SLIT2: variants seen among roughly 807,000 people sequenced by gnomAD.
SLIT2 encodes slit homolog 2 protein.
Under a neutral mutation model 185.7 loss-of-function variants are expected in SLIT2, and 41 were observed. The observed-to-expected ratio is 0.22, with a 90% CI of 0.17 to 0.29. The LOEUF (loss-of-function observed/expected upper bound fraction) is 0.29. Ranked by LOEUF, SLIT2 falls within the 10% of genes least tolerant of loss-of-function variation. The pLI, the probability that SLIT2 is intolerant of heterozygous loss-of-function variation, is 1.00. For missense variants in SLIT2, 1,571 were observed against 1,909.0 expected (o/e 0.82, Z 3.30); for synonymous variants, 693 against 680.2 (o/e 1.02, Z -0.29).
chr4:20,416,026 T>C (rs1390804462), intron 4 of SLIT2, among the ~76,000 whole-genome samples: 1 of 152,222 alleles, frequency 6.6e-6, no homozygotes, highest in Non-Finnish European at 1.5e-5. Flanking sequence ...CTGGCCATTG[T>C]TGAGGCATTT....
intron 26 of SLIT2, among the ~76,000 whole-genome samples, chr4:20,556,917 C>T (rs1724308852): frequency 2.0e-5 from 3 of 152,018 alleles, no homozygotes; most frequent in African/African-American, 7.3e-5. Context: ...AGCCTTATTG[C>T]TGATATGGAG....
In SLIT2 at chr4:20,528,065, T is replaced by C. The variant is rs1721453632; in HGVS notation, c.1463-884T>C. On this transcript the variant is annotated intron_variant, in intron 15 of 36. Coordinates refer to ENST00000504154, the MANE Select transcript of SLIT2 (RefSeq NM_004787.4). The surrounding 1 kb of genome is among the most constrained non-coding windows in gnomAD (Gnocchi z 4.2). ...AGCTGTTGTTTCCATTCTGCAGTTC[T>C]GAGGAATGGTGGAGGCACCTTTTCC... 1.3e-5 allele frequency among the ~76,000 whole-genome samples: 2 copies of C among 152,210 alleles called. No individual in the cohort carries two copies. Among genetic ancestry groups the C allele is most frequent in the Non-Finnish European group, 2.9e-5 (2 of 68,042 alleles).
intron 36 of SLIT2, 55 bp from the exon 37 acceptor site, chr4:20,618,713 T>G: frequency 1.3e-6 from 2 of 1,513,490 alleles, no homozygotes; most frequent in Non-Finnish European, 1.8e-6. Context: ...ACAGTCACTC[T>G]GCATGACTTA....
intron 4 of SLIT2, among the ~76,000 whole-genome samples, chr4:20,291,104 G>T (rs77337729): frequency 1.3e-5 from 2 of 151,758 alleles, no homozygotes; most frequent in African/African-American, 2.4e-5. Flanking sequence ...AATTTAGTTC[G>T]ATATGTTTGC....
chr4:20,518,130 T>C (rs963949432), intron 11 of SLIT2, among the ~76,000 whole-genome samples: 15 of 142,566 alleles, frequency 1.1e-4, no homozygotes, highest in African/African-American at 3.8e-4. Context: ...TATATATACA[T>C]ATACATATAT....
intron 4 of SLIT2, among the ~76,000 whole-genome samples, chr4:20,459,870 T>TC (rs1713503777): frequency 6.6e-6 from 1 of 151,334 alleles, no homozygotes. Context: ...GGAATTTTTT[T>TC]TTTTTTTTTT....
intron 21 of SLIT2, among the ~76,000 whole-genome samples, chr4:20,542,990 A>T (rs1351328535): frequency 6.6e-6 from 1 of 152,084 alleles, no homozygotes; most frequent in South Asian, 2.1e-4. Flanking sequence ...GGAGCATCTT[A>T]CAAGACTAAT....
chr4:20,418,091 G>A (rs1047812057), intron 4 of SLIT2, among the ~76,000 whole-genome samples: 3 of 152,192 alleles, frequency 2.0e-5, no homozygotes, highest in African/African-American at 7.2e-5. Flanking sequence ...TTGGTATGTA[G>A]TGGGGTCTGA....
At chr4:20,572,995 G>A (rs1725738736) in intron 29 of SLIT2, among the ~76,000 whole-genome samples, 1 of 152,164 alleles carries the variant, frequency 6.6e-6, no homozygotes, top group Non-Finnish European at 1.5e-5. Context: ...ACTGCTGGTT[G>A]TTCCATCACC....
chr4:20,545,658 G>A (rs892991055), intron 21 of SLIT2, among the ~76,000 whole-genome samples: 2 of 152,032 alleles, frequency 1.3e-5, no homozygotes, highest in African/African-American at 2.4e-5. Flanking sequence ...GCAGCAATGA[G>A]TGGTCTTGGC....
intron 4 of SLIT2, among the ~76,000 whole-genome samples, chr4:20,418,495 G>A (rs1043662946): frequency 1.3e-5 from 2 of 152,138 alleles, no homozygotes; most frequent in Non-Finnish European, 2.9e-5. Flanking sequence ...ACTGAGGGCG[G>A]CCAATAGATC....
At chr4:20,617,708 C>G in intron 36 of SLIT2, 58 bp downstream of exon 36, 1 of 671,650 alleles carries the variant, frequency 1.5e-6, no homozygotes, top group Non-Finnish European at 2.4e-6. Flanking sequence ...GGTCCCATGT[C>G]TTTGAAAAGA....
intron 4 of SLIT2, among the ~76,000 whole-genome samples, chr4:20,432,643 C>CT (rs1729079941): frequency 6.6e-6 from 1 of 151,786 alleles, no homozygotes; most frequent in African/African-American, 2.4e-5. Flanking sequence ...TGCATAAATG[C>CT]TGCCTTCAAA....
At chr4:20,564,692 C>G (rs1318445908) in intron 26 of SLIT2, among the ~76,000 whole-genome samples, 1 of 151,780 alleles carries the variant, frequency 6.6e-6, no homozygotes, top group African/African-American at 2.4e-5. Context: ...CAGTATTTTG[C>G]TATATTCCCA....
Position 20,596,439 on chromosome 4 carries a change from A to G in SLIT2, c.3345A>G (p.Pro1115=). The change falls in exon 32 of 37, where the codon CCA becomes CCG. Residue 1115 remains proline, a synonymous_variant. Coordinates refer to ENST00000504154, the MANE Select transcript of SLIT2 (RefSeq NM_004787.4). ...GTGGCTTGTTCTGTGAGTTTTCTCCACCCATGGTCCTCCCTCGTACCAGCC... is the reference window on the plus strand; with the variant it reads ...GTGGCTTGTTCTGTGAGTTTTCTCCGCCCATGGTCCTCCCTCGTACCAGCC... ...GYSGLFCEFS[P]PMVLPRTSPC... 1 of 1,613,828 alleles carries G rather than the reference A, an allele frequency of 6.2e-7. No homozygotes were observed. Among genetic ancestry groups the G allele is most frequent in the South Asian group, 1.1e-5 (1 of 91,042 alleles).
At chr4:20,449,184 A>C (rs1301535016) in intron 4 of SLIT2, among the ~76,000 whole-genome samples, 1 of 152,184 alleles carries the variant, frequency 6.6e-6, no homozygotes, top group African/African-American at 2.4e-5. Context: ...AAAGAGTAAT[A>C]GTTATATGCT....
chr4:20,446,344 C>G (rs934490281), intron 4 of SLIT2, among the ~76,000 whole-genome samples: 4 of 152,182 alleles, frequency 2.6e-5, no homozygotes, highest in Admixed American at 6.5e-5. Context: ...TGGTTCCCAT[C>G]CGGCCTGAAC....
At chr4:20,317,713 T>G (rs1718721835) in intron 4 of SLIT2, among the ~76,000 whole-genome samples, 1 of 152,054 alleles carries the variant, frequency 6.6e-6, no homozygotes, top group African/African-American at 2.4e-5. Context: ...GGTTTCGTGC[T>G]TAGTTATCAT....
At chr4:20,336,761 G>A (rs1720539216) in intron 4 of SLIT2, among the ~76,000 whole-genome samples, 1 of 152,190 alleles carries the variant, frequency 6.6e-6, no homozygotes, top group African/African-American at 2.4e-5. Context: ...GCACCAGTTT[G>A]CACATGTTCC....
Sources: gnomAD v4.1 joint callset for allele counts (sites outside exome capture counted in the v4.1 genomes callset) on GRCh38, gnomAD v4.1.1 for gene constraint, Gnocchi (gnomAD v3.1) non-coding constraint, MANE v1.5 for transcripts, NCBI Gene and HGNC (gene_info 2026-07-23, HGNC 2026-07-21) for gene names.